The following IGF2R variants were observed in gnomAD, a reference collection of about 807,000 sequenced individuals.
IGF2R encodes the protein cation-independent mannose-6-phosphate receptor.
In IGF2R, 91 loss-of-function variants were observed where a neutral mutation model predicts 270.6. The observed-to-expected ratio is 0.34, with a 90% CI of 0.28 to 0.40. The LOEUF is 0.40. Among genes scored for constraint, IGF2R ranks in the 10% least tolerant of loss-of-function variants. IGF2R has a pLI of 1.00. For missense variants in IGF2R, 2,805 were observed against 3,188.3 expected, an observed-to-expected ratio of 0.88 and a Z score of 2.90; for synonymous variants, 1,316 against 1,258.9, an observed-to-expected ratio of 1.05 and a Z score of -0.96.
At position 160,072,769 on chromosome 6, in the gene IGF2R, C is replaced by T. The variant is rs1357894098; in HGVS notation, c.4575C>T (p.His1525=). ...CCATCTTCTTCCACCCTACAGGACA[C>T]CTGTTTGATCTGAGCTCCTTAAGTG... The part of the protein sequence containing the change: ...DCQVTNPSTG[H]LFDLSSLSGR... The change falls in exon 33 of 48, where the codon CAC becomes CAT. Residue 1525 remains histidine, a synonymous_variant. Coordinates refer to ENST00000356956, the MANE Select transcript of IGF2R (RefSeq NM_000876.4). 1.9e-6 allele frequency: 3 copies of T among 1,614,124 alleles called. No homozygotes were observed. Among genetic ancestry groups the T allele is most frequent in the Admixed American group, 1.7e-5 (1 of 60,016 alleles).
At chr6:160,062,033 T>C (rs1478852151) in intron 25 of IGF2R, 105 bp downstream of exon 25, 1 of 1,083,238 alleles carries the variant, frequency 9.2e-7, no homozygotes, top group African/African-American at 1.5e-5. Context: ...GCCTGTGTTT[T>C]CGTGGAGTTT....
At chr6:160,096,980 G>A (rs889368317) in intron 45 of IGF2R, among the ~76,000 whole-genome samples, 3 of 152,232 alleles carry the variant, frequency 2.0e-5, no homozygotes, top group Admixed American at 6.5e-5. Flanking sequence ...TGGGAGGCAA[G>A]TACTGGTGGT....
intron 2 of IGF2R, among the ~76,000 whole-genome samples, chr6:159,992,690 A>G (rs1490048764): frequency 1.3e-5 from 2 of 152,094 alleles, no homozygotes; most frequent in East Asian, 1.9e-4. Context: ...GGTTTATTCC[A>G]TATCTTTGCA....
chr6:160,022,667 G>A (rs1268053955), intron 4 of IGF2R, among the ~76,000 whole-genome samples: 2 of 152,168 alleles, frequency 1.3e-5, no homozygotes, highest in Admixed American at 1.3e-4. Flanking sequence ...ACCTCAAGGA[G>A]CCCCTATTAT....
At chr6:159,999,937 A>G (rs543198831) in intron 2 of IGF2R, among the ~76,000 whole-genome samples, 56 of 152,354 alleles carry the variant, frequency 3.7e-4, no homozygotes, top group Non-Finnish European at 7.2e-4. Context: ...CTTATTACAT[A>G]CCTTTTAATG....
chr6:159,991,190 A>C lies in IGF2R; in HGVS notation c.156A>C (p.Thr52=), dbSNP rs573268877. The change falls in exon 2 of 48, where the codon ACA becomes ACC. Residue 52 remains threonine (T), a synonymous_variant. Transcript: ENST00000356956. ...TGTTTTTCTTCCTTTCCAGTTATAC[A>C]TGGGAAGCTGTTGATACCAAAAATA... The part of the protein sequence containing the change: ...AAPFPELCSY[T]WEAVDTKNNV... 1.2e-6 allele frequency: 2 copies of C among 1,608,586 alleles called. No individual in the cohort carries two copies. The highest frequency in any genetic ancestry group is 1.7e-6 in the Non-Finnish European group (2 of 1,177,610).
chr6:159,981,375 GTC>G, intron 1 of IGF2R, among the ~76,000 whole-genome samples: 1 of 152,110 alleles, frequency 6.6e-6, no homozygotes, highest in Non-Finnish European at 1.5e-5. Context: ...GAGTGCGTGT[GTC>G]TCTGTCTTCA....
intron 1 of IGF2R, among the ~76,000 whole-genome samples, chr6:159,969,697 T>C (rs1276894829): frequency 6.6e-6 from 1 of 152,000 alleles, no homozygotes; most frequent in Non-Finnish European, 1.5e-5. Flanking sequence ...GCCCCGGCCC[T>C]TGGGGTCGGC....
At chr6:160,033,360 G>A (rs955893756) in intron 9 of IGF2R, among the ~76,000 whole-genome samples, 2 of 152,224 alleles carry the variant, frequency 1.3e-5, no homozygotes, top group Non-Finnish European at 2.9e-5. Flanking sequence ...TGATCTTGAA[G>A]TCCTTGCCTC....
chr6:160,070,938 A>G (rs1389582460), intron 31 of IGF2R, among the ~76,000 whole-genome samples: 1 of 152,172 alleles, frequency 6.6e-6, no homozygotes, highest in African/African-American at 2.4e-5. Context: ...GCCTCTGAGC[A>G]TTCTCCTCTG....
intron 29 of IGF2R, among the ~76,000 whole-genome samples, chr6:160,067,558 C>T (rs1778612389): frequency 6.6e-6 from 1 of 152,184 alleles, no homozygotes; most frequent in African/African-American, 2.4e-5. Flanking sequence ...GTTTAGCACA[C>T]AGCTTTTGAA....
chr6:160,049,274 G>C lies in IGF2R; in HGVS notation c.2514+731G>C, dbSNP rs556794680. Among the ~76,000 whole-genome samples the C allele has an allele frequency of 2.0e-5, 3 of 152,266 alleles. No individual in the cohort carries two copies. The South Asian group carries it at 6.2e-4, about 32-fold the overall frequency. ...GTATAGTCAGTCCTCTTTATTCACA[G>C]ATTCTGCATCTGTGAACTTGCCTAC... is the stretch of plus-strand genomic sequence containing the variant. On this transcript the variant is annotated intron_variant, in intron 18 of 47. Coordinates refer to ENST00000356956, the MANE Select transcript of IGF2R (RefSeq NM_000876.4).
At chr6:159,988,859 C>A (rs1783932256) in intron 1 of IGF2R, among the ~76,000 whole-genome samples, 1 of 152,046 alleles carries the variant, frequency 6.6e-6, no homozygotes, top group South Asian at 2.1e-4. Flanking sequence ...TCCTGTGCCT[C>A]CCGCAGTAAG....
intron 1 of IGF2R, among the ~76,000 whole-genome samples, chr6:159,979,250 CT>C (rs1218188818): frequency 6.6e-6 from 1 of 152,150 alleles, no homozygotes; most frequent in African/African-American, 2.4e-5. Flanking sequence ...TTTAAAACAG[CT>C]GTTTAGTACT....
At chr6:160,079,823 T>C (rs779087728) in intron 38 of IGF2R, 36 bp downstream of exon 38, 1 of 1,440,330 alleles carries the variant, frequency 6.9e-7, no homozygotes, top group Non-Finnish European at 9.2e-7. Context: ...AACTTCAAGC[T>C]CATAGTAAAC....
chr6:159,985,247 G>A (rs1783863855), intron 1 of IGF2R, among the ~76,000 whole-genome samples: 2 of 152,158 alleles, frequency 1.3e-5, no homozygotes, highest in African/African-American at 2.4e-5. Context: ...GAAACTAAAT[G>A]TTTTCTGAAA....
rs755574765 is a variant in IGF2R, at chr6:160,045,758, T to C, written c.1779T>C (p.Ser593=). ...TLVCKPGDLE[S]APVLRTSGEG... ...CCCCATTGACAGGTGATCTGGAAAG[T>C]GCACCAGTGTTGAGAACTTCTGGGG... is the stretch of plus-strand genomic sequence containing the variant. The change falls in exon 14 of 48, where the codon AGT becomes AGC. Residue 593 remains serine, a synonymous_variant. Transcript: ENST00000356956. 59 of 1,614,068 alleles carry C rather than the reference T, an allele frequency of 3.7e-5. No homozygotes were observed. The highest frequency in any genetic ancestry group is 4.7e-5 in the Non-Finnish European group (56 of 1,180,026).
Position 160,040,666 on chromosome 6 carries a change from C to A in IGF2R, c.1422C>A (p.Leu474=). The A allele has an allele frequency of 6.2e-7, 1 of 1,614,214 alleles. No individual in the cohort carries two copies. Among genetic ancestry groups the A allele is most frequent in the African/African-American group, 1.3e-5 (1 of 75,054 alleles). ...GTGTTAAGGAGAAGGAAGACCTCCT[C>A]TGCGGTGCCACCGACGGGAAGAAGC... ...YACVKEKEDL[L]CGATDGKKRY... Residue 474 remains leucine (L), a synonymous_variant, in exon 11 of 48, where the codon CTC becomes CTA. Coordinates refer to ENST00000356956, the MANE Select transcript of IGF2R (RefSeq NM_000876.4).
At chr6:160,066,720 T>C (rs1778592782) in intron 29 of IGF2R, among the ~76,000 whole-genome samples, 1 of 152,194 alleles carries the variant, frequency 6.6e-6, no homozygotes, top group Non-Finnish European at 1.5e-5. Flanking sequence ...GACTCTCTTT[T>C]AAAAGATGAA....
Sources: allele counts gnomAD v4.1 joint callset (sites outside exome capture counted in the v4.1 genomes callset), GRCh38; gene constraint gnomAD v4.1.1; transcripts MANE v1.5; gene names NCBI Gene and HGNC (gene_info 2026-07-23, HGNC 2026-07-21).